The following MYO3A variants were observed in gnomAD, a reference collection of about 807,000 sequenced individuals.
MYO3A encodes the protein myosin-IIIa.
A neutral mutation model predicts 192.7 loss-of-function variants in MYO3A; 180 were observed. The ratio of observed to expected loss-of-function variants is 0.93; its 90% confidence interval spans 0.83 to 1.06. MYO3A has a LOEUF of 1.06. Ranked by LOEUF, MYO3A falls within the 50% of genes least tolerant of loss-of-function variation. MYO3A has a pLI of 0.00. For synonymous variants in MYO3A, 628 were observed against 645.3 expected, an observed-to-expected ratio of 0.97 and a Z score of 0.41; for missense variants, 1,896 against 1,905.0, an observed-to-expected ratio of 1.00 and a Z score of 0.09.
At position 26,157,373 on chromosome 10, in the gene MYO3A, A is replaced by G; in HGVS notation, c.2857A>G (p.Lys953Glu). The G allele has an allele frequency of 6.2e-7, 1 of 1,614,174 alleles. No homozygotes were observed. Among genetic ancestry groups the G allele is most frequent in the Non-Finnish European group, 8.5e-7 (1 of 1,180,014 alleles). The change falls in exon 26 of 35, where the codon AAA becomes GAA. Residue 953 changes from lysine to glutamate, a missense_variant. By Grantham distance (56) the Lys-to-Glu change is moderately conservative. Transcript: ENST00000642920. The part of the protein sequence containing the change: ...VGQPHFVRCI[K>E]PNSERQARKY... ...CCAACCTCATTTTGTCCGTTGCATC[A>G]AACCAAATAGTGAGCGTCAGGCAAG...
At chr10:26,103,295 C>T (rs1389583635) in intron 17 of MYO3A, among the ~76,000 whole-genome samples, 5 of 152,204 alleles carry the variant, frequency 3.3e-5, no homozygotes, top group Non-Finnish European at 2.9e-5. Flanking sequence ...GTCACGGCTT[C>T]CCTTGGCTTG....
intron 4 of MYO3A, among the ~76,000 whole-genome samples, chr10:25,987,125 C>T (rs1466133843): frequency 6.6e-6 from 1 of 152,068 alleles, no homozygotes; most frequent in Non-Finnish European, 1.5e-5. Flanking sequence ...ATACTCTATT[C>T]AACAAATGGT....
intron 7 of MYO3A, among the ~76,000 whole-genome samples, chr10:26,018,702 G>A (rs1842113926): frequency 6.6e-6 from 1 of 152,120 alleles, no homozygotes; most frequent in Non-Finnish European, 1.5e-5. Flanking sequence ...GGACACCCTG[G>A]AGAGCGAAAG....
At chr10:26,056,200 G>A (rs755207234) in intron 10 of MYO3A, among the ~76,000 whole-genome samples, 28 of 152,036 alleles carry the variant, frequency 1.8e-4, no homozygotes, top group Non-Finnish European at 3.8e-4. Context: ...CATAAATGAA[G>A]AACAACCTTA....
intron 17 of MYO3A, among the ~76,000 whole-genome samples, chr10:26,102,036 A>G (rs904832862): frequency 6.6e-6 from 1 of 152,182 alleles, no homozygotes; most frequent in Non-Finnish European, 1.5e-5. Flanking sequence ...AGGTACACCA[A>G]TCAGACGTAG....
At chr10:25,957,316 A>G (rs936957802) in intron 4 of MYO3A, among the ~76,000 whole-genome samples, 1 of 152,140 alleles carries the variant, frequency 6.6e-6, no homozygotes, top group Non-Finnish European at 1.5e-5. Flanking sequence ...ATTTCCCTGC[A>G]TAAGCTCTCT....
chr10:26,088,148 A>G (rs1423156250), intron 14 of MYO3A, 55 bp from the exon 15 acceptor site: 64 of 1,356,976 alleles, frequency 4.7e-5, no homozygotes, highest in Non-Finnish European at 6.5e-5. Context: ...ACATTTCATT[A>G]TATACCAAAT....
At chr10:26,159,233 G>T (rs1317452880) in intron 26 of MYO3A, among the ~76,000 whole-genome samples, 1 of 151,142 alleles carries the variant, frequency 6.6e-6, no homozygotes, top group Non-Finnish European at 1.5e-5. Context: ...CTCGTGATCC[G>T]CCCACCTTGG....
intron 20 of MYO3A, among the ~76,000 whole-genome samples, chr10:26,136,698 A>G (rs1223920530): frequency 1.3e-5 from 2 of 152,144 alleles, no homozygotes; most frequent in Non-Finnish European, 2.9e-5. Context: ...TGCTATCTGG[A>G]TTGGTGCTAA....
intron 31 of MYO3A, among the ~76,000 whole-genome samples, chr10:26,186,411 C>T (rs1463165514): frequency 3.9e-5 from 6 of 151,996 alleles, no homozygotes; most frequent in East Asian, 1.9e-4. Flanking sequence ...AGACTACAGG[C>T]GCCTGCCACC....
intron 31 of MYO3A, among the ~76,000 whole-genome samples, chr10:26,185,329 CTTTTTTTTTTTTT>C (rs61581382): frequency 1.6e-5 from 1 of 63,856 alleles, no homozygotes; most frequent in Non-Finnish European, 3.0e-5. Context: ...TTCCAGGATT[CTTTTTTTTTTTTT>C]TTTTTTTTTT....
At chr10:26,055,360 TTAATTGGA>T (rs1388931127) in intron 10 of MYO3A, among the ~76,000 whole-genome samples, 2 of 152,100 alleles carry the variant, frequency 1.3e-5, no homozygotes, top group Middle Eastern at 3.2e-3. Context: ...TCAACAACTC[TTAATTGGA>T]TCCATCAGAG....
chr10:26,024,881 C>A (rs1588804898), intron 9 of MYO3A, among the ~76,000 whole-genome samples: 1 of 152,138 alleles, frequency 6.6e-6, no homozygotes, highest in Admixed American at 6.6e-5. Context: ...AGTAACATTG[C>A]CAGTTGTATT....
rs533098101 is a variant in MYO3A, at chr10:26,212,081, G to C, written c.*118G>C. ...CACTGAAGCTGCGGCCCTGATCTCC[G>C]CAGAGGCTGCCTGCTGCGCTCGGCC... On this transcript the variant is annotated 3_prime_UTR_variant, in exon 35 of 35. Coordinates refer to ENST00000642920, the MANE Select transcript of MYO3A (RefSeq NM_017433.5). The C allele has an allele frequency of 1.4e-6, 2 of 1,399,288 alleles. No individual in the cohort carries two copies. The highest frequency in any genetic ancestry group is 3.0e-5 in the South Asian group (2 of 66,912). 86.7% of individuals were successfully genotyped at this position (1,399,288 alleles called of 1,614,324 possible). A position where few individuals can be genotyped will look rare whatever the true frequency, so the allele number is the denominator to read the frequency against.
chr10:25,944,407 C>T (rs151034549), intron 2 of MYO3A, among the ~76,000 whole-genome samples: 1,997 of 152,020 alleles, frequency 0.013, 23 homozygotes, highest in Non-Finnish European at 0.02. Context: ...TAATGCTGGC[C>T]TCATAGTATG....
intron 2 of MYO3A, among the ~76,000 whole-genome samples, chr10:25,940,496 C>G (rs1402463019): frequency 6.6e-6 from 1 of 152,126 alleles, no homozygotes; most frequent in Non-Finnish European, 1.5e-5. Flanking sequence ...TCTTGTCCAA[C>G]AGAGCCCATT....
chr10:26,212,299 G>T lies in MYO3A; in HGVS notation c.*336G>T. The T allele has an allele frequency of 4.9e-6, 2 of 404,848 alleles. No individual in the cohort carries two copies. The highest frequency in any genetic ancestry group is 7.0e-5 in the East Asian group (2 of 28,590). 25.1% of individuals were successfully genotyped at this position (404,848 alleles called of 1,614,324 possible). On this transcript the variant is annotated 3_prime_UTR_variant, in exon 35 of 35. Transcript: ENST00000642920. ...TTTTGTGACTCCTGTGGACTCCACT[G>T]CGCCTGGGATCTCGCCAACCCCTCT...
At chr10:26,022,136 A>G (rs1842338748) in intron 8 of MYO3A, 1 of 152,566 alleles carries the variant, frequency 6.6e-6, no homozygotes, top group African/African-American at 2.4e-5. Context: ...ATATGTTAAT[A>G]TAAAACAATA....
At chr10:26,044,165 C>T (rs1261731770) in intron 10 of MYO3A, among the ~76,000 whole-genome samples, 1 of 152,192 alleles carries the variant, frequency 6.6e-6, no homozygotes, top group Admixed American at 6.5e-5. Flanking sequence ...CCCTATCTTA[C>T]TATGGCTGAG....
Sources: allele counts gnomAD v4.1 joint callset (sites outside exome capture counted in the v4.1 genomes callset), GRCh38; gene constraint gnomAD v4.1.1; transcripts MANE v1.5; gene names NCBI Gene and HGNC (gene_info 2026-07-23, HGNC 2026-07-21).